The following SLC25A48 variants were observed in gnomAD, a reference collection of about 807,000 sequenced individuals.
The protein encoded by SLC25A48 is solute carrier family 25 member 48.
A neutral mutation model predicts 32.2 loss-of-function variants in SLC25A48; 29 were observed. The observed-to-expected ratio is 0.90, with a 90% confidence interval of 0.67 to 1.23. The LOEUF is 1.23. Among genes scored for constraint, SLC25A48 ranks in the 50% most tolerant of loss-of-function variants. The pLI is 0.00. For synonymous variants in SLC25A48, 164 were observed against 172.3 expected, an observed-to-expected ratio of 0.95 and a Z score of 0.38; for missense variants, 399 against 422.7, an observed-to-expected ratio of 0.94 and a Z score of 0.49.
chr5:135,734,821 C>CAAAAAAAAAA (rs1186711507), intron 3 of SLC25A48, among the ~76,000 whole-genome samples: 1 of 116,756 alleles, frequency 8.6e-6, no homozygotes, highest in Non-Finnish European at 1.7e-5. Context: ...CATCTCAAAA[C>CAAAAAAAAAA]AAAAAAAAAA....
intron 1 of SLC25A48, chr5:135,835,154 A>C (rs1288573411): frequency 3.0e-6 from 2 of 677,676 alleles, no homozygotes; most frequent in Admixed American, 4.1e-5. Flanking sequence ...TGATGAGGTA[A>C]TGATTAAACA....
chr5:135,764,529 G>A (rs972205075), intron 3 of SLC25A48, among the ~76,000 whole-genome samples: 10 of 151,596 alleles, frequency 6.6e-5, no homozygotes, highest in African/African-American at 2.4e-4. Context: ...CTAATATCAC[G>A]GGGAGTGTGA....
intron 3 of SLC25A48, among the ~76,000 whole-genome samples, chr5:135,709,076 G>C (rs183289710): frequency 2.0e-5 from 3 of 152,278 alleles, no homozygotes; most frequent in Admixed American, 2.0e-4. Context: ...AACAGATTTT[G>C]GTTCACATAC....
intron 3 of SLC25A48, among the ~76,000 whole-genome samples, chr5:135,763,847 G>A (rs1756128066): frequency 2.0e-5 from 3 of 151,756 alleles, no homozygotes; most frequent in Non-Finnish European, 4.4e-5. Context: ...TTCAGCATCC[G>A]TCTCAATTTG....
chr5:135,719,405 G>A (rs1484547257), intron 3 of SLC25A48, among the ~76,000 whole-genome samples: 1 of 152,152 alleles, frequency 6.6e-6, no homozygotes, highest in East Asian at 1.9e-4. Context: ...TGCTGAGCAG[G>A]CATGCCGGAG....
intron 1 of SLC25A48, among the ~76,000 whole-genome samples, chr5:135,593,120 T>C (rs1751566053): frequency 6.6e-6 from 1 of 152,006 alleles, no homozygotes; most frequent in Admixed American, 6.5e-5. Flanking sequence ...CAGAGCACAC[T>C]CTCCAGGCTT....
chr5:135,758,223 AAT>A (rs1755970859), intron 3 of SLC25A48, among the ~76,000 whole-genome samples: 1 of 150,876 alleles, frequency 6.6e-6, no homozygotes, highest in Non-Finnish European at 1.5e-5. Context: ...ATATTAATAG[AAT>A]ATCTCTATGA....
chr5:135,728,595 C>T (rs1290824040), intron 3 of SLC25A48, among the ~76,000 whole-genome samples: 2 of 152,070 alleles, frequency 1.3e-5, no homozygotes, highest in East Asian at 3.9e-4. Context: ...CTGTCATAGA[C>T]AAGCTGTGAT....
chr5:135,662,783 C>T (rs1158165529), intron 3 of SLC25A48, among the ~76,000 whole-genome samples: 1 of 152,120 alleles, frequency 6.6e-6, no homozygotes, highest in Non-Finnish European at 1.5e-5. Flanking sequence ...GTTCTGTCAC[C>T]ACTCTTTCCC....
intron 3 of SLC25A48, among the ~76,000 whole-genome samples, chr5:135,665,292 T>C (rs925736921): frequency 3.9e-5 from 6 of 152,204 alleles, no homozygotes; most frequent in African/African-American, 1.4e-4. Flanking sequence ...TTTTTCTTGC[T>C]GATTTGAGTT....
chr5:135,863,831 GA>G (rs1760991015), intron 4 of SLC25A48, among the ~76,000 whole-genome samples: 1 of 152,166 alleles, frequency 6.6e-6, no homozygotes, highest in South Asian at 2.1e-4. Context: ...ATGTGGAGGG[GA>G]AAAATGCTAA....
At chr5:135,735,985 G>T (rs950958108) in intron 3 of SLC25A48, among the ~76,000 whole-genome samples, 10 of 152,176 alleles carry the variant, frequency 6.6e-5, no homozygotes, top group Admixed American at 6.5e-4. Flanking sequence ...TGGGTGTGAG[G>T]ATGGGAGGTG....
At chr5:135,871,829 T>G in intron 5 of SLC25A48, 111 bp downstream of exon 5, 1 of 1,546,588 alleles carries the variant, frequency 6.5e-7, no homozygotes, top group Non-Finnish European at 8.7e-7. Flanking sequence ...CACATTTAGG[T>G]ACTCACCCAA....
At chr5:135,822,204 C>T (rs565279806) in intron 4 of SLC25A48, 2 of 152,364 alleles carry the variant, frequency 1.3e-5, no homozygotes, top group East Asian at 3.9e-4. Flanking sequence ...CCTCTCTCCC[C>T]AAGCTGCTCA....
intron 4 of SLC25A48, chr5:135,825,285 C>T (rs1758008520): frequency 1.3e-5 from 2 of 152,188 alleles, no homozygotes; most frequent in Admixed American, 1.3e-4. Context: ...GAAAACGAGT[C>T]TCAGAGAAGT....
chr5:135,608,350 C>G (rs1751987270), intron 1 of SLC25A48, among the ~76,000 whole-genome samples: 1 of 152,210 alleles, frequency 6.6e-6, no homozygotes, highest in South Asian at 2.1e-4. Context: ...TTAGGTTCAT[C>G]AAATGATGGT....
intron 3 of SLC25A48, among the ~76,000 whole-genome samples, chr5:135,690,255 A>G (rs1002087125): frequency 2.6e-5 from 4 of 152,222 alleles, no homozygotes; most frequent in African/African-American, 7.2e-5. Context: ...GGGAAGACTC[A>G]TAATGCATGT....
At chr5:135,675,954 T>G (rs760658384) in intron 3 of SLC25A48, among the ~76,000 whole-genome samples, 1 of 152,008 alleles carries the variant, frequency 6.6e-6, no homozygotes, top group Non-Finnish European at 1.5e-5. Flanking sequence ...TTTTATTTTA[T>G]TTTTTGTAGC....
intron 3 of SLC25A48, among the ~76,000 whole-genome samples, chr5:135,688,143 A>G (rs1754060984): frequency 8.0e-6 from 1 of 125,134 alleles, no homozygotes; most frequent in Non-Finnish European, 1.8e-5. Context: ...TCTTTTTGTG[A>G]ATGGCTTATT....
Sources: gnomAD v4.1 joint callset for allele counts (sites outside exome capture counted in the v4.1 genomes callset) on GRCh38, gnomAD v4.1.1 for gene constraint, MANE v1.5 for transcripts, NCBI Gene and HGNC (gene_info 2026-07-23, HGNC 2026-07-21) for gene names.